The following TRMT9B variants were observed in gnomAD, a reference collection of about 807,000 sequenced individuals.
TRMT9B encodes probable tRNA methyltransferase 9B.
A neutral mutation model predicts 11.5 loss-of-function variants in TRMT9B; 16 were observed. That is an observed-to-expected ratio of 1.39 (90% confidence interval 0.94 to 2.11). The LOEUF (loss-of-function observed/expected upper bound fraction) is 2.11. Among genes scored for constraint, TRMT9B ranks in the 30% most tolerant of loss-of-function variants. The probability of loss-of-function intolerance (pLI) is 0.00; values close to 1 mark genes in which losing one functional copy is unlikely to be tolerated. For missense variants in TRMT9B, 941 were observed against 553.8 expected, an observed-to-expected ratio of 1.70 and a Z score of -7.02; for synonymous variants, 274 against 192.4, an observed-to-expected ratio of 1.42 and a Z score of -3.51.
chr8:12,999,173 C>T (rs1321886840), intron 2 of TRMT9B, among the ~76,000 whole-genome samples: 1 of 151,784 alleles, frequency 6.6e-6, no homozygotes, highest in Non-Finnish European at 1.5e-5. Context: ...GTGGTACGTG[C>T]CTATAATTCC....
intron 2 of TRMT9B, among the ~76,000 whole-genome samples, chr8:13,004,786 G>C (rs1282154422): frequency 6.6e-6 from 1 of 152,056 alleles, no homozygotes; most frequent in African/African-American, 2.4e-5. Flanking sequence ...GAAAAGTGGA[G>C]GGACAAGGAA....
chr8:13,022,156 G>C lies in TRMT9B; in HGVS notation c.*112G>C. The C allele has an allele frequency of 2.7e-6, 2 of 751,026 alleles. No individual in the cohort carries two copies. Among genetic ancestry groups the C allele is most frequent in the Middle Eastern group, 2.9e-4 (1 of 3,430 alleles). 46.5% of individuals were successfully genotyped at this position (751,026 alleles called of 1,614,324 possible). On this transcript the variant is annotated 3_prime_UTR_variant, in exon 5 of 5. Transcript: ENST00000524591. ...TTATTTGTTAATCCATTTACGCTTT[G>C]GTCTGCAGAGACTATTAATTATTTG...
intron 3 of TRMT9B, chr8:13,011,734 A>G (rs1054064892): frequency 1.0e-6 from 1 of 971,436 alleles, no homozygotes; most frequent in Non-Finnish European, 1.2e-6. Context: ...GTGAATATCA[A>G]AAATTGTCTA....
At chr8:13,018,128 G>T (rs527512086) in intron 4 of TRMT9B, among the ~76,000 whole-genome samples, 1 of 148,622 alleles carries the variant, frequency 6.7e-6, no homozygotes, top group Non-Finnish European at 1.5e-5. Context: ...TTGGCCAGGC[G>T]TGGTGGTTCA....
intron 1 of TRMT9B, among the ~76,000 whole-genome samples, chr8:12,982,743 T>C (rs2128873977): frequency 6.6e-6 from 1 of 152,266 alleles, no homozygotes; most frequent in African/African-American, 2.4e-5. Context: ...AAATTCCAAA[T>C]CTGAAATGCT....
chr8:12,999,486 T>C (rs1210608570), intron 2 of TRMT9B, among the ~76,000 whole-genome samples: 2 of 152,140 alleles, frequency 1.3e-5, no homozygotes, highest in Non-Finnish European at 2.9e-5. Context: ...ACTTTAAATA[T>C]ATGCAGTTTG....
chr8:12,956,305 A>G (rs1801303872), intron 1 of TRMT9B, among the ~76,000 whole-genome samples: 1 of 152,202 alleles, frequency 6.6e-6, no homozygotes, highest in African/African-American at 2.4e-5. Context: ...ATTGGTAGAG[A>G]TTGACTTTGG....
chr8:12,957,255 C>G (rs1431580388), intron 1 of TRMT9B, among the ~76,000 whole-genome samples: 1 of 152,144 alleles, frequency 6.6e-6, no homozygotes, highest in African/African-American at 2.4e-5. Flanking sequence ...GGGCCCATGT[C>G]TTTGTCTTCT....
chr8:13,001,305 C>G (rs971636376), intron 2 of TRMT9B, among the ~76,000 whole-genome samples: 8 of 152,102 alleles, frequency 5.3e-5, no homozygotes, highest in African/African-American at 1.9e-4. Context: ...TGGTTTTCAA[C>G]CTGGGTCCAC....
At chr8:13,006,451 G>A (rs1437336550) in intron 3 of TRMT9B, 95 bp downstream of exon 3, 7 of 1,540,752 alleles carry the variant, frequency 4.5e-6, no homozygotes, top group Non-Finnish European at 6.1e-6. Flanking sequence ...TAGGTAACCA[G>A]GCAGCCTCAT....
In TRMT9B at chr8:13,004,903, C is replaced by T. The variant is rs1051816038; in HGVS notation, c.-1-1299C>T. Among the ~76,000 whole-genome samples the T allele has an allele frequency of 5.3e-5, 8 of 151,774 alleles. No individual in the cohort carries two copies. In the South Asian group the frequency reaches 1.7e-3, roughly 32 times the overall value. On this transcript the variant is annotated intron_variant, in intron 2 of 4. Transcript: ENST00000524591. ...AGGGCTGCATCTCATGGCTTGAGTGCCAGCTCAGCCACAGTACACTAGAAC... is the reference window on the plus strand; with the variant it reads ...AGGGCTGCATCTCATGGCTTGAGTGTCAGCTCAGCCACAGTACACTAGAAC...
At chr8:13,003,725 G>T (rs1809887905) in intron 2 of TRMT9B, among the ~76,000 whole-genome samples, 1 of 151,714 alleles carries the variant, frequency 6.6e-6, no homozygotes, top group African/African-American at 2.4e-5. Flanking sequence ...GAGGGGGATA[G>T]TGTGGAGCAA....
At chr8:13,013,269 G>A (rs1361087081) in intron 4 of TRMT9B, among the ~76,000 whole-genome samples, 2 of 152,120 alleles carry the variant, frequency 1.3e-5, no homozygotes, top group Non-Finnish European at 2.9e-5. Context: ...GAATTCTAGG[G>A]CTAACAAACC....
rs572176860 is a variant in TRMT9B at position 13,024,912 on chromosome 8, T to A, written c.*2868T>A. 36 of 167,108 alleles carry A rather than the reference T, an allele frequency of 2.2e-4. No individual in the cohort carries two copies. Among genetic ancestry groups the A allele is most frequent in the South Asian group, 1.0e-3 (5 of 4,824 alleles). The allele number at this position is 167,108 out of a possible 1,614,324, so 10.4% of individuals were successfully genotyped here. A position where few individuals can be genotyped will look rare whatever the true frequency, so the allele number is the denominator to read the frequency against. On this transcript the variant is annotated 3_prime_UTR_variant, in exon 5 of 5. Transcript: ENST00000524591. ...TTAACTTCCGCCTTTGGATTTTTTT[T>A]AAAAAGCCATTGAAGAGCAAAACTA...
intron 2 of TRMT9B, among the ~76,000 whole-genome samples, chr8:12,995,342 C>A (rs980876265): frequency 6.6e-6 from 1 of 152,138 alleles, no homozygotes; most frequent in Non-Finnish European, 1.5e-5. Flanking sequence ...TTATATAAAT[C>A]TAGTTTGAGT....
intron 1 of TRMT9B, chr8:12,951,193 A>C (rs993942561): frequency 6.6e-6 from 1 of 151,858 alleles, no homozygotes; most frequent in Non-Finnish European, 1.5e-5. Flanking sequence ...GTTTTGCAAA[A>C]CTCAGCAGAT....
At chr8:12,982,630 C>G (rs903272037) in intron 1 of TRMT9B, among the ~76,000 whole-genome samples, 1 of 151,624 alleles carries the variant, frequency 6.6e-6, no homozygotes, top group Middle Eastern at 3.2e-3. Context: ...CCACTGCACT[C>G]CAGCCTGGGC....
Position 13,012,666 on chromosome 8 carries a change from C to T in TRMT9B, c.155-18C>T, listed in dbSNP as rs748992362. The T allele has an allele frequency of 6.3e-7, 1 of 1,596,650 alleles. No homozygotes were observed. Among genetic ancestry groups the T allele is most frequent in the Admixed American group, 1.7e-5 (1 of 58,124 alleles). Reference sequence around the variant, plus strand: ...TTTCCATTGAGGATAGCATGTAACGCAGGTTTTTCTCTTATAGGTTGTGGG... The same window carrying T: ...TTTCCATTGAGGATAGCATGTAACGTAGGTTTTTCTCTTATAGGTTGTGGG... On this transcript the variant is annotated intron_variant, in intron 3 of 4. Transcript: ENST00000524591.
At chr8:12,980,690 T>C (rs572449069) in intron 1 of TRMT9B, among the ~76,000 whole-genome samples, 80 of 152,258 alleles carry the variant, frequency 5.3e-4, no homozygotes, top group African/African-American at 1.4e-3. Flanking sequence ...AGACGAATCC[T>C]ACATGGGACA....
Sources: gnomAD v4.1 joint callset for allele counts (sites outside exome capture counted in the v4.1 genomes callset) on GRCh38, gnomAD v4.1.1 for gene constraint, MANE v1.5 for transcripts, NCBI Gene and HGNC (gene_info 2026-07-23, HGNC 2026-07-21) for gene names.